Variants in EPS15L1 observed in about 807,000 individuals in gnomAD.
EPS15L1 encodes the protein epidermal growth factor receptor pathway substrate 15 like 1.
In EPS15L1, 43 loss-of-function variants were observed where a neutral mutation model predicts 117.1. That is an observed-to-expected ratio of 0.37 (90% CI 0.29 to 0.47). The LOEUF (loss-of-function observed/expected upper bound fraction) is 0.47, where lower values mean the gene tolerates loss of function less well. Among genes scored for constraint, EPS15L1 ranks in the 20% least tolerant of loss-of-function variants. The pLI is 0.99. For synonymous variants in EPS15L1, 459 were observed against 470.5 expected (o/e 0.98, Z 0.32); for missense variants, 981 against 1,164.0 (o/e 0.84, Z 2.29).
intron 1 of EPS15L1, among the ~76,000 whole-genome samples, chr19:16,470,561 T>C (rs1032441883): frequency 1.5e-5 from 2 of 135,974 alleles, no homozygotes; most frequent in Non-Finnish European, 3.1e-5. Context: ...TTAACACCTA[T>C]TATCGGTAGG....
At chr19:16,436,002 A>G (rs1001056504) in intron 6 of EPS15L1, among the ~76,000 whole-genome samples, 18 of 152,174 alleles carry the variant, frequency 1.2e-4, no homozygotes, top group African/African-American at 4.3e-4. Flanking sequence ...AAGTCCACAC[A>G]ATGCGCTGGG....
intron 16 of EPS15L1, chr19:16,400,672 T>C (rs1051792324): frequency 1.0e-6 from 1 of 985,264 alleles, no homozygotes; most frequent in Non-Finnish European, 1.2e-6. Flanking sequence ...ATAAAAACAG[T>C]TTTTCTTTCG....
At position 16,370,788 on chromosome 19, in the gene EPS15L1, C is replaced by G. The variant is rs971598968; in HGVS notation, c.2380+6334G>C. On this transcript the variant is annotated intron_variant, in intron 22 of 23. Coordinates refer to ENST00000455140, the MANE Select transcript of EPS15L1 (RefSeq NM_001258374.3). This position sits in a 1 kb window ranked among gnomAD's most constrained non-coding sequence, Gnocchi z 5.2. ...GGCACCGTCAGCAGGTCCCACCCAG[C>G]CCTAAGACAGACCTTCCAGAGGGCT... is the stretch of plus-strand genomic sequence containing the variant. 5.3e-5 allele frequency among the ~76,000 whole-genome samples: 8 copies of G among 152,236 alleles called. No individual in the cohort carries two copies. Among genetic ancestry groups the G allele is most frequent in the Non-Finnish European group, 1.0e-4 (7 of 68,046 alleles).
intron 1 of EPS15L1, among the ~76,000 whole-genome samples, chr19:16,466,998 A>G (rs2093310906): frequency 6.6e-6 from 1 of 152,110 alleles, no homozygotes; most frequent in Admixed American, 6.5e-5. Flanking sequence ...GCGAGTCCAC[A>G]GTACCATTCT....
At chr19:16,459,306 C>G (rs1196344826) in intron 1 of EPS15L1, among the ~76,000 whole-genome samples, 1 of 152,166 alleles carries the variant, frequency 6.6e-6, no homozygotes, top group Non-Finnish European at 1.5e-5. Context: ...TCCCATAGCC[C>G]CAAACTTTGA....
intron 22 of EPS15L1, among the ~76,000 whole-genome samples, chr19:16,374,605 G>A (rs1333439492): frequency 2.6e-5 from 4 of 152,228 alleles, no homozygotes; most frequent in Admixed American, 1.3e-4. Flanking sequence ...GGTGATAACT[G>A]AGGGAAAGTT....
Position 16,364,467 on chromosome 19 carries a change from T to A in EPS15L1, c.2381-2483A>T, listed in dbSNP as rs1387483639. 2.0e-5 allele frequency among the ~76,000 whole-genome samples: 3 copies of A among 152,118 alleles called. No individual in the cohort carries two copies. In the East Asian group the frequency reaches 5.8e-4, roughly 29 times the overall value. On this transcript the variant is annotated intron_variant, in intron 22 of 23. Coordinates refer to ENST00000455140, the MANE Select transcript of EPS15L1 (RefSeq NM_001258374.3). ...CTTCAGCTCTACTGCGGCCTCCTCCTACCCCGACCTCCCCGGGGCTGCAGA... is the reference window on the plus strand; with the variant it reads ...CTTCAGCTCTACTGCGGCCTCCTCCAACCCCGACCTCCCCGGGGCTGCAGA...
At chr19:16,456,071 A>C (rs1455775018) in intron 1 of EPS15L1, among the ~76,000 whole-genome samples, 1 of 152,064 alleles carries the variant, frequency 6.6e-6, no homozygotes, top group African/African-American at 2.4e-5. Context: ...ATGGTGGCAC[A>C]GGCCTGTAAT....
chr19:16,454,641 C>T (rs2093177876), intron 1 of EPS15L1, among the ~76,000 whole-genome samples: 1 of 152,140 alleles, frequency 6.6e-6, no homozygotes, highest in African/African-American at 2.4e-5. Context: ...AGACAGAACT[C>T]AGGGCCTACA....
chr19:16,401,057 T>C, intron 16 of EPS15L1: 1 of 985,366 alleles, frequency 1.0e-6, no homozygotes, highest in African/African-American at 1.7e-5. Context: ...AGTTCTGGCT[T>C]CTCGTAACTC....
chr19:16,393,859 C>T lies in EPS15L1; in HGVS notation c.1966+92G>A, dbSNP rs1346876333. 2.5e-5 allele frequency: 32 copies of T among 1,256,498 alleles called. No individual in the cohort carries two copies. In the East Asian group the frequency reaches 2.8e-4, roughly 11 times the overall value. The allele number at this position is 1,256,498 out of a possible 1,614,324, so 77.8% of individuals were successfully genotyped here. A position where few individuals can be genotyped will look rare whatever the true frequency, so the allele number is the denominator to read the frequency against. ...TTCCCAGTTACATGGCTGCCATCCC[C>T]GGTGTATGTGGACACAAGTCCCACC... On this transcript the variant is annotated intron_variant, in intron 18 of 23. Coordinates refer to ENST00000455140, the MANE Select transcript of EPS15L1 (RefSeq NM_001258374.3).
In EPS15L1 at chr19:16,393,994, C is replaced by T. The variant is rs374082879; in HGVS notation, c.1923G>A (p.Pro641=). 2.0e-5 allele frequency: 32 copies of T among 1,613,946 alleles called. 1 individual carries two copies. The highest frequency in any genetic ancestry group is 8.0e-5 in the African/African-American group (6 of 74,918). Residue 641 remains proline (P), a synonymous_variant, in exon 18 of 24, where the codon CCG becomes CCA. Coordinates refer to ENST00000455140, the MANE Select transcript of EPS15L1 (RefSeq NM_001258374.3). Reference sequence around the variant, plus strand: ...GTTCTGCAAAGGGGTCATTCTGGAACGGGTCGCCTGGTTGGAAGAGGAGAG... The same window carrying T: ...GTTCTGCAAAGGGGTCATTCTGGAATGGGTCGCCTGGTTGGAAGAGGAGAG... The part of the protein sequence containing the change: ...FKGADPFKGD[P]FQNDPFAEQQ...
chr19:16,453,205 T>G (rs993033069), intron 1 of EPS15L1, among the ~76,000 whole-genome samples: 2 of 152,030 alleles, frequency 1.3e-5, no homozygotes, highest in African/African-American at 4.8e-5. Context: ...ACTTAAGGGA[T>G]CCTCCTTCCT....
chr19:16,391,476 C>T (rs1363635013), intron 19 of EPS15L1, among the ~76,000 whole-genome samples: 1 of 152,030 alleles, frequency 6.6e-6, no homozygotes, highest in East Asian at 1.9e-4. Context: ...GCGAGGTGGG[C>T]GCCAGGGTAG....
In EPS15L1 at chr19:16,392,290, C is replaced by T. The variant is rs779411366; in HGVS notation, c.2103+14G>A. On this transcript the variant is annotated intron_variant, in intron 19 of 23. Coordinates refer to ENST00000455140, the MANE Select transcript of EPS15L1 (RefSeq NM_001258374.3). ...GGCACGCAGCTCTCCCGGGCAACGT[C>T]CCACCCCACTCACCTTCGAAGGTAA... is the stretch of plus-strand genomic sequence containing the variant. 2 of 1,613,878 alleles carry T rather than the reference C, an allele frequency of 1.2e-6. No homozygotes were observed. Among genetic ancestry groups the T allele is most frequent in the Admixed American group, 1.7e-5 (1 of 60,016 alleles).
chr19:16,439,743 AAAG>A (rs1306749484), intron 4 of EPS15L1, among the ~76,000 whole-genome samples: 1 of 151,946 alleles, frequency 6.6e-6, no homozygotes, highest in Admixed American at 6.6e-5. Context: ...CATGAACCTC[AAAG>A]AAGGGAGGTA....
intron 1 of EPS15L1, among the ~76,000 whole-genome samples, chr19:16,448,936 A>G (rs964070345): frequency 2.0e-5 from 3 of 152,140 alleles, no homozygotes; most frequent in African/African-American, 7.2e-5. Context: ...TATATACTAG[A>G]GAGCTCTCAA....
In EPS15L1 at chr19:16,403,603, C is replaced by T. The variant is rs561868966; in HGVS notation, c.1626+130G>A. 93 of 890,744 alleles carry T rather than the reference C, an allele frequency of 1.0e-4. No individual in the cohort carries two copies. The South Asian group carries it at 1.4e-3, about 14-fold the overall frequency. The allele number at this position is 890,744 out of a possible 1,614,324, so 55.2% of individuals were successfully genotyped here. On this transcript the variant is annotated intron_variant, in intron 15 of 23. Coordinates refer to ENST00000455140, the MANE Select transcript of EPS15L1 (RefSeq NM_001258374.3). The stretch of plus-strand genomic sequence containing the variant: ...TTGGCCCTGCGCCTCCAGGCCAGCA[C>T]CACAGCCTCCCAAAAGAGACCCTCA...
intron 13 of EPS15L1, 188 bp downstream of exon 13, chr19:16,413,585 T>C (rs1453783684): frequency 6.7e-6 from 5 of 743,434 alleles, no homozygotes; most frequent in Non-Finnish European, 8.9e-6. Flanking sequence ...AGGGTTTTTA[T>C]ACAAGAAAAA....
Sources: gnomAD v4.1 joint callset for allele counts (sites outside exome capture counted in the v4.1 genomes callset) on GRCh38, gnomAD v4.1.1 for gene constraint, Gnocchi (gnomAD v3.1) non-coding constraint, MANE v1.5 for transcripts, NCBI Gene and HGNC (gene_info 2026-07-23, HGNC 2026-07-21) for gene names.